Variants in KLHL24 observed in about 807,000 individuals in gnomAD.
KLHL24 encodes the protein kelch-like protein 24.
Under a neutral mutation model 53.4 loss-of-function variants are expected in KLHL24, and 29 were observed. The ratio of observed to expected loss-of-function variants is 0.54; its 90% CI spans 0.40 to 0.74. The LOEUF (loss-of-function observed/expected upper bound fraction) is 0.74. Ranked by LOEUF, KLHL24 falls within the 30% of genes least tolerant of loss-of-function variation. The pLI is 0.00. For missense variants in KLHL24, 504 were observed against 744.0 expected, an observed-to-expected ratio of 0.68 and a Z score of 3.75; for synonymous variants, 222 against 253.7, an observed-to-expected ratio of 0.88 and a Z score of 1.19.
intron 3 of KLHL24, among the ~76,000 whole-genome samples, chr3:183,661,003 T>C (rs1260363389): frequency 1.2e-5 from 1 of 86,524 alleles, no homozygotes; most frequent in African/African-American, 6.4e-5. Context: ...AGGCGGAGCT[T>C]GCAGTGAGCC....
chr3:183,658,760 G>A (rs754749961), intron 3 of KLHL24, among the ~76,000 whole-genome samples: 1 of 151,894 alleles, frequency 6.6e-6, no homozygotes, highest in Non-Finnish European at 1.5e-5. Context: ...ACTCTGCAAA[G>A]TGAAAGTGGT....
At position 183,679,158 on chromosome 3, in the gene KLHL24, A is replaced by G; in HGVS notation, c.1675A>G (p.Thr559Ala). 1 of 1,614,090 alleles carries G rather than the reference A, an allele frequency of 6.2e-7. No homozygotes were observed. Among genetic ancestry groups the G allele is most frequent in the Non-Finnish European group, 8.5e-7 (1 of 1,179,918 alleles). ...CGGAAGACGGGAAAATGGAGAAGCCACAGACACTATTCTCTGTTATGATCC... is the reference window on the plus strand; with the variant it reads ...CGGAAGACGGGAAAATGGAGAAGCCGCAGACACTATTCTCTGTTATGATCC... ...LGGRRENGEA[T>A]DTILCYDPAT... is the part of the protein sequence containing the mutation. Residue 559 changes from threonine (T) to alanine (A), a missense_variant, in exon 8 of 8, where the codon ACA (threonine) becomes GCA (alanine). Physicochemically the swap from Thr to Ala is moderately conservative, Grantham distance 58. Coordinates refer to ENST00000242810, the MANE Select transcript of KLHL24 (RefSeq NM_017644.3).
At chr3:183,647,561 A>G (rs1717471372) in intron 2 of KLHL24, among the ~76,000 whole-genome samples, 1 of 151,112 alleles carries the variant, frequency 6.6e-6, no homozygotes, top group Non-Finnish European at 1.5e-5. Flanking sequence ...AATACAAAAA[A>G]TTATCCAGGC....
At chr3:183,673,657 C>A (rs73884592) in intron 7 of KLHL24, among the ~76,000 whole-genome samples, 1 of 152,278 alleles carries the variant, frequency 6.6e-6, no homozygotes, top group East Asian at 1.9e-4. Flanking sequence ...CCTTCCACCC[C>A]CAAAATGCTT....
At chr3:183,643,772 A>G (rs1429265892) in intron 2 of KLHL24, among the ~76,000 whole-genome samples, 1 of 152,102 alleles carries the variant, frequency 6.6e-6, no homozygotes, top group Non-Finnish European at 1.5e-5. Context: ...ATATACATTA[A>G]CTCATGTAGA....
At chr3:183,675,079 C>T (rs982377638) in intron 7 of KLHL24, among the ~76,000 whole-genome samples, 6 of 152,054 alleles carry the variant, frequency 3.9e-5, no homozygotes, top group African/African-American at 1.4e-4. Context: ...AGAATTTAGT[C>T]TTCTTGAGGA....
At chr3:183,639,802 G>A (rs955156563) in intron 1 of KLHL24, among the ~76,000 whole-genome samples, 1 of 151,896 alleles carries the variant, frequency 6.6e-6, no homozygotes, top group Non-Finnish European at 1.5e-5. Flanking sequence ...TCAGGAGTTC[G>A]AGACCAGCCT....
intron 2 of KLHL24, chr3:183,644,219 A>T (rs1340470117): frequency 6.6e-6 from 1 of 151,672 alleles, no homozygotes; most frequent in African/African-American, 2.4e-5. Context: ...GGCGTCCACA[A>T]CCACGCCCAG....
intron 5 of KLHL24, among the ~76,000 whole-genome samples, chr3:183,669,085 C>T (rs1248365835): frequency 1.3e-5 from 2 of 152,132 alleles, no homozygotes; most frequent in Non-Finnish European, 2.9e-5. Flanking sequence ...TGTCTTGATG[C>T]TCATGGCATG....
intron 6 of KLHL24, among the ~76,000 whole-genome samples, chr3:183,671,753 GA>G (rs1257275770): frequency 6.6e-6 from 1 of 152,174 alleles, no homozygotes; most frequent in Non-Finnish European, 1.5e-5. Context: ...GTTTATTCTG[GA>G]AAAAAGCATC....
At chr3:183,668,398 GA>G (rs1720872591) in intron 5 of KLHL24, among the ~76,000 whole-genome samples, 1 of 152,116 alleles carries the variant, frequency 6.6e-6, no homozygotes, top group Non-Finnish European at 1.5e-5. Context: ...AATCAATAAA[GA>G]AAAGGAATCA....
In KLHL24 at chr3:183,658,715, T is replaced by A. The variant is rs188264024; in HGVS notation, c.921-4743T>A. 2.0e-3 allele frequency among the ~76,000 whole-genome samples: 299 copies of A among 152,308 alleles called. 3 individuals are homozygous for A. The highest frequency in any genetic ancestry group is 0.015 in the Admixed American group (237 of 15,296). ...CTACTTCTGCACTCCTTTGCCAATATAATTTGTTTACATTAGTTTTTGTAA... is the reference window on the plus strand; with the variant it reads ...CTACTTCTGCACTCCTTTGCCAATAAAATTTGTTTACATTAGTTTTTGTAA... On this transcript the variant is annotated intron_variant, in intron 3 of 7. Transcript: ENST00000242810.
rs1213721708 is a variant in KLHL24, at chr3:183,671,227, G to A, written c.1413+5G>A. ...GATAATACTTGTTCTGATAAGGTAA[G>A]CCATGCACTTTTAAAGAAATTACCA... On this transcript the variant is annotated splice_donor_5th_base_variant and intron_variant, in intron 6 of 7. Coordinates refer to ENST00000242810, the MANE Select transcript of KLHL24 (RefSeq NM_017644.3). The A allele has an allele frequency of 1.2e-6, 2 of 1,604,132 alleles. No individual in the cohort carries two copies. Among genetic ancestry groups the A allele is most frequent in the Non-Finnish European group, 1.7e-6 (2 of 1,174,240 alleles).
At chr3:183,644,255 T>C (rs1716915146) in intron 2 of KLHL24, 1 of 151,998 alleles carries the variant, frequency 6.6e-6, no homozygotes, top group Admixed American at 6.6e-5. Flanking sequence ...CTTTATTGTA[T>C]AAAATGGGAA....
chr3:183,682,426 T>C lies in KLHL24; in HGVS notation c.*3140T>C, dbSNP rs1227647423. The C allele has an allele frequency of 6.6e-6, 1 of 152,568 alleles. No homozygotes were observed. Among genetic ancestry groups the C allele is most frequent in the Non-Finnish European group, 1.5e-5 (1 of 68,014 alleles). The allele number at this position is 152,568 out of a possible 1,614,324, so 9.5% of individuals were successfully genotyped here. A position where few individuals can be genotyped will look rare whatever the true frequency, so the allele number is the denominator to read the frequency against. ...TTCAGTAACCTTTTTATTTCCTAGA[T>C]GATTGAAATATAGGTATTTACTCCA... On this transcript the variant is annotated 3_prime_UTR_variant, in exon 8 of 8. Transcript: ENST00000242810.
chr3:183,640,288 C>A (rs1428640866), intron 1 of KLHL24, among the ~76,000 whole-genome samples: 1 of 152,022 alleles, frequency 6.6e-6, no homozygotes, highest in Non-Finnish European at 1.5e-5. Flanking sequence ...ATATCAGTAG[C>A]CAGAAGTTTT....
At chr3:183,675,092 C>G (rs117171986) in intron 7 of KLHL24, among the ~76,000 whole-genome samples, 1 of 152,048 alleles carries the variant, frequency 6.6e-6, no homozygotes, top group Non-Finnish European at 1.5e-5. Flanking sequence ...CTTGAGGACA[C>G]TATTTCTTCT....
intron 5 of KLHL24, among the ~76,000 whole-genome samples, chr3:183,667,459 C>G (rs1251024007): frequency 6.6e-6 from 1 of 152,158 alleles, no homozygotes; most frequent in Non-Finnish European, 1.5e-5. Flanking sequence ...CACCTCCTGT[C>G]AGATCAGCGC....
intron 3 of KLHL24, among the ~76,000 whole-genome samples, chr3:183,661,819 C>T (rs192078632): frequency 6.6e-6 from 1 of 152,194 alleles, no homozygotes; most frequent in Non-Finnish European, 1.5e-5. Context: ...AATCATTACT[C>T]TGGATTTTAT....
Sources: allele counts gnomAD v4.1 joint callset (sites outside exome capture counted in the v4.1 genomes callset), GRCh38; gene constraint gnomAD v4.1.1; transcripts MANE v1.5; gene names NCBI Gene and HGNC (gene_info 2026-07-23, HGNC 2026-07-21).